The following DCTN4 variants were observed in gnomAD, a reference collection of about 807,000 sequenced individuals.
DCTN4 encodes dynactin 4 (p62).
DCTN4 carries 23 observed loss-of-function variants against 62.7 expected under a neutral mutation model. The observed-to-expected ratio is 0.37, with a 90% CI of 0.26 to 0.52. The LOEUF is 0.52. DCTN4 is among the 20% of genes least tolerant of loss of function. DCTN4 has a pLI of 0.92. For synonymous variants in DCTN4, 199 were observed against 202.1 expected (o/e 0.98, Z 0.13); for missense variants, 514 against 580.4 (o/e 0.89, Z 1.18).
rs934300871 is a variant in DCTN4 at position 150,727,559 on chromosome 5, G to A, written c.834+3072C>T. Reference sequence around the variant, plus strand: ...TGGGAGGCCGAGGCGGGCGGATCACGAGGTCAGAAGATCGAGACCATCCCG... The same window carrying A: ...TGGGAGGCCGAGGCGGGCGGATCACAAGGTCAGAAGATCGAGACCATCCCG... On this transcript the variant is annotated intron_variant, in intron 8 of 12. Coordinates refer to ENST00000447998, the MANE Select transcript of DCTN4 (RefSeq NM_016221.4). 9.2e-5 allele frequency among the ~76,000 whole-genome samples: 14 copies of A among 151,994 alleles called. No homozygotes were observed. The East Asian group carries it at 2.5e-3, about 27-fold the overall frequency.
At chr5:150,750,126 ATGT>A (rs1490392809) in intron 3 of DCTN4, among the ~76,000 whole-genome samples, 1 of 152,168 alleles carries the variant, frequency 6.6e-6, no homozygotes, top group Non-Finnish European at 1.5e-5. Context: ...GGGGACAGAA[ATGT>A]TGTGTATCAT....
chr5:150,721,827 A>C lies in DCTN4; in HGVS notation c.908+1080T>G, dbSNP rs558347993. On this transcript the variant is annotated intron_variant, in intron 9 of 12. Transcript: ENST00000447998. ...TTTGTTGCTAATTTTGTCTTAAAAAAATTTTTTTTTCCTTAGAGAGAGAGT... is the reference window on the plus strand; with the variant it reads ...TTTGTTGCTAATTTTGTCTTAAAAACATTTTTTTTTCCTTAGAGAGAGAGT... 9.7e-4 allele frequency among the ~76,000 whole-genome samples: 147 copies of C among 152,236 alleles called. 7 individuals carry two copies. Among genetic ancestry groups the C allele is most frequent in the Non-Finnish European group, 7.4e-4 (50 of 68,000 alleles).
At chr5:150,745,919 A>G (rs371417005) in intron 3 of DCTN4, among the ~76,000 whole-genome samples, 9 of 151,870 alleles carry the variant, frequency 5.9e-5, no homozygotes, top group African/African-American at 1.9e-4. Context: ...AAAGCTAGCA[A>G]AAGGCAAGAA....
At chr5:150,724,143 G>A (rs1318498302) in intron 8 of DCTN4, among the ~76,000 whole-genome samples, 1 of 152,124 alleles carries the variant, frequency 6.6e-6, no homozygotes, top group East Asian at 1.9e-4. Flanking sequence ...TGACGATTAT[G>A]AAATGATATT....
rs934064636 is a variant in DCTN4, at chr5:150,710,693, C to T, written c.*456G>A. 4.2e-5 allele frequency: 7 copies of T among 166,748 alleles called. No homozygotes were observed. Among genetic ancestry groups the T allele is most frequent in the African/African-American group, 7.1e-5 (3 of 41,974 alleles). 10.3% of individuals were successfully genotyped at this position (166,748 alleles called of 1,614,324 possible). On this transcript the variant is annotated 3_prime_UTR_variant, in exon 13 of 13. Coordinates refer to ENST00000447998, the MANE Select transcript of DCTN4 (RefSeq NM_016221.4). Reference sequence around the variant, plus strand: ...TTTTAGACTGTTAGATGATATTTAACGGAATGCAGAAAGCAGTTGGTACAT... The same window carrying T: ...TTTTAGACTGTTAGATGATATTTAATGGAATGCAGAAAGCAGTTGGTACAT...
rs1232793259 is a variant in DCTN4, at chr5:150,710,001, G to A, written c.*1148C>T. On this transcript the variant is annotated 3_prime_UTR_variant, in exon 13 of 13. Transcript: ENST00000447998. The stretch of plus-strand genomic sequence containing the variant: ...AGTGAAAACAGCAAGTCTGCTGTTA[G>A]GCCAGAACTGTGGGCTACTTGCTGA... 1.3e-5 allele frequency: 2 copies of A among 152,316 alleles called. No individual in the cohort carries two copies. The highest frequency in any genetic ancestry group is 1.3e-4 in the Admixed American group (2 of 15,278). The allele number at this position is 152,316 out of a possible 1,614,324, so 9.4% of individuals were successfully genotyped here. A position where few individuals can be genotyped will look rare whatever the true frequency, so the allele number is the denominator to read the frequency against.
chr5:150,746,386 T>C (rs1027174890), intron 3 of DCTN4, among the ~76,000 whole-genome samples: 42 of 152,280 alleles, frequency 2.8e-4, no homozygotes, highest in African/African-American at 1.0e-3. Context: ...CCATTCCTTC[T>C]GAAACTATTC....
rs190546637 is a variant in DCTN4, at chr5:150,709,475, G to A, written c.*1674C>T. 1.2e-4 allele frequency: 18 copies of A among 152,270 alleles called. No homozygotes were observed. Among genetic ancestry groups the A allele is most frequent in the African/African-American group, 3.6e-4 (15 of 41,438 alleles). 9.4% of individuals were successfully genotyped at this position (152,270 alleles called of 1,614,324 possible). ...GTGAAATAAAAATTTGAGACTCTGT[G>A]GGGTCACAAAAAAATGAAACTCTTT... is the stretch of plus-strand genomic sequence containing the variant. On this transcript the variant is annotated 3_prime_UTR_variant, in exon 13 of 13. Transcript: ENST00000447998.
intron 12 of DCTN4, among the ~76,000 whole-genome samples, chr5:150,712,647 T>C (rs575521419): frequency 2.0e-5 from 3 of 152,354 alleles, no homozygotes; most frequent in Admixed American, 1.3e-4. Flanking sequence ...TGGAACACCA[T>C]AAATCAAGAA....
intron 3 of DCTN4, among the ~76,000 whole-genome samples, chr5:150,748,157 A>T (rs2113129499): frequency 6.6e-6 from 1 of 152,328 alleles, no homozygotes; most frequent in Non-Finnish European, 1.5e-5. Context: ...AAAAGAAGAC[A>T]TTTATGCAGC....
At chr5:150,758,049 A>C in intron 1 of DCTN4, 3 of 961,138 alleles carry the variant, frequency 3.1e-6, no homozygotes, top group Non-Finnish European at 3.7e-6. Context: ...AGCAACTATT[A>C]CTACTATCAG....
intron 8 of DCTN4, among the ~76,000 whole-genome samples, chr5:150,729,358 G>T (rs181734719): frequency 1.2e-4 from 18 of 151,882 alleles, no homozygotes; most frequent in Non-Finnish European, 2.1e-4. Context: ...GAATATATAT[G>T]CAGGACTTGA....
At chr5:150,746,874 G>C (rs1235575019) in intron 3 of DCTN4, among the ~76,000 whole-genome samples, 3 of 152,102 alleles carry the variant, frequency 2.0e-5, no homozygotes, top group Non-Finnish European at 4.4e-5. Context: ...TTTGAAAACT[G>C]GCACAAGACA....
intron 4 of DCTN4, among the ~76,000 whole-genome samples, chr5:150,736,063 G>T (rs575792804): frequency 1.3e-4 from 19 of 151,614 alleles, no homozygotes; most frequent in African/African-American, 3.6e-4. Context: ...AAAGAAAAAA[G>T]AATAATAACA....
intron 1 of DCTN4, chr5:150,758,486 C>G (rs747212201): frequency 2.0e-6 from 2 of 997,244 alleles, no homozygotes; most frequent in South Asian, 4.2e-5. Context: ...GCCTGCGCCT[C>G]CCTCCATCCT....
chr5:150,748,297 G>A (rs1273095460), intron 3 of DCTN4, among the ~76,000 whole-genome samples: 2 of 150,176 alleles, frequency 1.3e-5, no homozygotes, highest in South Asian at 2.1e-4. Flanking sequence ...ACAGGTGCTG[G>A]AGAGGATGTG....
chr5:150,750,958 C>T (rs1226753792), intron 3 of DCTN4, among the ~76,000 whole-genome samples: 1 of 152,098 alleles, frequency 6.6e-6, no homozygotes, highest in East Asian at 1.9e-4. Flanking sequence ...ATTGTATCCT[C>T]TTGCAAGAAA....
intron 9 of DCTN4, among the ~76,000 whole-genome samples, chr5:150,722,579 A>AT (rs35239766): frequency 6.6e-6 from 1 of 152,154 alleles, no homozygotes; most frequent in South Asian, 2.1e-4. Flanking sequence ...TTATTTTTAA[A>AT]TTTTTTTTGA....
At chr5:150,733,114 T>G (rs984899316) in intron 5 of DCTN4, among the ~76,000 whole-genome samples, 1 of 152,208 alleles carries the variant, frequency 6.6e-6, no homozygotes, top group Non-Finnish European at 1.5e-5. Flanking sequence ...ATTAACAGCC[T>G]TTCTGGGGAA....
Sources: allele counts gnomAD v4.1 joint callset (sites outside exome capture counted in the v4.1 genomes callset), GRCh38; gene constraint gnomAD v4.1.1; transcripts MANE v1.5; gene names NCBI Gene and HGNC (gene_info 2026-07-23, HGNC 2026-07-21).